Variants in RGPD2 observed in about 807,000 individuals in gnomAD.
RGPD2 encodes the protein RANBP2-like and GRIP domain-containing protein 2.
RGPD2 carries 2 observed loss-of-function variants against 36.0 expected under a neutral mutation model. The observed-to-expected ratio is 0.06, with a 90% CI of 0.02 to 0.17. RGPD2 has a LOEUF of 0.17. Among genes scored for constraint, RGPD2 ranks in the 10% least tolerant of loss-of-function variants. The pLI is 1.00. For missense variants in RGPD2, 40 were observed against 464.3 expected (o/e 0.09, Z 8.40); for synonymous variants, 19 against 163.8 (o/e 0.12, Z 6.75).
the RGPD2 span, among the ~76,000 whole-genome samples, chr2:87,857,349 CT>C: frequency 3.2e-4 from 47 of 147,770 alleles, no homozygotes; most frequent in South Asian, 6.4e-4. Context: ...TATTTGTATA[CT>C]TTTTTTTTTT....
chr2:87,966,627 G>A, the RGPD2 span, among the ~76,000 whole-genome samples: 3,965 of 150,722 alleles, frequency 0.026, 44 homozygotes, highest in Non-Finnish European at 0.036. Flanking sequence ...GAACCAATTA[G>A]AACTTAATGC....
At chr2:87,870,236 C>A in the RGPD2 span, among the ~76,000 whole-genome samples, 6 of 152,278 alleles carry the variant, frequency 3.9e-5, no homozygotes, top group African/African-American at 1.4e-4. Context: ...CTAGCCAATT[C>A]TTTGAGTTAG....
At chr2:87,904,971 A>ATCTGCATTTAAGGGCAGAC in the RGPD2 span, among the ~76,000 whole-genome samples, 1 of 151,954 alleles carries the variant, frequency 6.6e-6, no homozygotes, top group Admixed American at 6.6e-5. Flanking sequence ...GACGTCTTGA[A>ATCTGCATTTAAGGGCAGAC]TCTGCATTTA....
chr2:87,824,767 G>T (rs1445174343), intron 1 of RGPD2, among the ~76,000 whole-genome samples: 1 of 72,112 alleles, frequency 1.4e-5, no homozygotes, highest in Non-Finnish European at 3.1e-5. Flanking sequence ...CGCCGCCGCC[G>T]CCCGGCCAGG....
chr2:87,883,262 A>T, the RGPD2 span, among the ~76,000 whole-genome samples: 5 of 151,656 alleles, frequency 3.3e-5, no homozygotes, highest in African/African-American at 1.2e-4. Context: ...TTACAAGTAT[A>T]AAATGTTTCT....
At chr2:87,929,460 C>T in the RGPD2 span, among the ~76,000 whole-genome samples, 1 of 119,846 alleles carries the variant, frequency 8.3e-6, no homozygotes, top group South Asian at 2.3e-4. Flanking sequence ...TGTGATGCCT[C>T]CAGCTTTGTT....
At chr2:87,922,853 G>A in the RGPD2 span, among the ~76,000 whole-genome samples, 1 of 152,156 alleles carries the variant, frequency 6.6e-6, no homozygotes, top group African/African-American at 2.4e-5. Context: ...CTGGGAGGTG[G>A]AGGATGGAAT....
At chr2:87,963,837 C>T in the RGPD2 span, among the ~76,000 whole-genome samples, 989 of 88,874 alleles carry the variant, frequency 0.011, 11 homozygotes, top group Non-Finnish European at 0.016. Context: ...TTCTTTCTTT[C>T]TTTTTTTTTT....
chr2:87,984,252 AAG>A, the RGPD2 span, among the ~76,000 whole-genome samples: 3 of 152,340 alleles, frequency 2.0e-5, 1 homozygote, highest in South Asian at 6.2e-4. Flanking sequence ...TGATGCTAGT[AAG>A]AATGGCACCG....
At chr2:87,884,101 T>C in the RGPD2 span, among the ~76,000 whole-genome samples, 3 of 152,144 alleles carry the variant, frequency 2.0e-5, no homozygotes, top group African/African-American at 7.2e-5. Context: ...AAGTATCATT[T>C]TCCATCGTAA....
the RGPD2 span, among the ~76,000 whole-genome samples, chr2:87,984,978 TA>T: frequency 7.5e-6 from 1 of 134,178 alleles, no homozygotes; most frequent in African/African-American, 2.9e-5. Context: ...CTAAAACATA[TA>T]GAATGGTACA....
intron 2 of RGPD2, among the ~76,000 whole-genome samples, chr2:87,818,020 T>TAAAAAAA (rs1175812254): frequency 1.4e-4 from 9 of 65,330 alleles, no homozygotes; most frequent in Admixed American, 4.1e-4. Flanking sequence ...AGATACTGAC[T>TAAAAAAA]AAAAAAAAAA....
the RGPD2 span, among the ~76,000 whole-genome samples, chr2:87,952,649 CTGA>C: frequency 6.6e-6 from 1 of 151,748 alleles, no homozygotes; most frequent in South Asian, 2.1e-4. Context: ...AATGCCAACT[CTGA>C]TGAAGTAGAT....
the RGPD2 span, among the ~76,000 whole-genome samples, chr2:87,886,767 T>C: frequency 6.6e-6 from 1 of 151,750 alleles, no homozygotes; most frequent in African/African-American, 2.4e-5. Context: ...CAACTGCTTT[T>C]TATGAGCTGA....
the RGPD2 span, among the ~76,000 whole-genome samples, chr2:87,859,689 C>A: frequency 6.6e-6 from 1 of 152,142 alleles, no homozygotes; most frequent in Non-Finnish European, 1.5e-5. Flanking sequence ...GCTGAGATCA[C>A]CACTGACGAT....
chr2:87,818,719 A>C, intron 1 of RGPD2, 96 bp from the exon 2 acceptor site: 1 of 600,776 alleles, frequency 1.7e-6, no homozygotes, highest in South Asian at 1.9e-5. Flanking sequence ...TTATGTTCAA[A>C]TATGCCATTT....
At chr2:87,882,569 T>C in the RGPD2 span, among the ~76,000 whole-genome samples, 1 of 152,262 alleles carries the variant, frequency 6.6e-6, no homozygotes. Context: ...AAGATTGCTT[T>C]GAGTATTAGG....
chr2:87,857,379 G>C, the RGPD2 span, among the ~76,000 whole-genome samples: 2 of 151,282 alleles, frequency 1.3e-5, no homozygotes, highest in Non-Finnish European at 2.9e-5. Flanking sequence ...GTCTCGCTCT[G>C]TTGCCCAGGC....
At chr2:87,967,339 T>C in the RGPD2 span, among the ~76,000 whole-genome samples, 1 of 149,178 alleles carries the variant, frequency 6.7e-6, no homozygotes. Context: ...ACCCGGGAGG[T>C]GGAGCTTGCA....
Sources: allele counts gnomAD v4.1 joint callset (sites outside exome capture counted in the v4.1 genomes callset), GRCh38; gene constraint gnomAD v4.1.1; transcripts MANE v1.5; gene names NCBI Gene and HGNC (gene_info 2026-07-23, HGNC 2026-07-21).